CHRNA9: variants seen among roughly 807,000 people sequenced by gnomAD.
The protein encoded by CHRNA9 is neuronal acetylcholine receptor subunit alpha-9.
CHRNA9 carries 24 observed loss-of-function variants against 36.8 expected under a neutral mutation model. The ratio of observed to expected loss-of-function variants is 0.65; its 90% CI spans 0.47 to 0.92. CHRNA9 has a LOEUF of 0.92. CHRNA9 is among the 40% of genes least tolerant of loss of function. The pLI, the probability that CHRNA9 is intolerant of heterozygous loss-of-function variation, is 0.00. For missense variants in CHRNA9, 610 were observed against 601.2 expected (o/e 1.01, Z -0.15); for synonymous variants, 231 against 231.8 (o/e 1.00, Z 0.03).
At chr4:40,340,155 G>A (rs1367614787) in intron 3 of CHRNA9, among the ~76,000 whole-genome samples, 7 of 152,160 alleles carry the variant, frequency 4.6e-5, no homozygotes, top group Admixed American at 4.6e-4. Flanking sequence ...ATGTACTCAT[G>A]AGTTCACACA....
At chr4:40,336,186 CT>C (rs1337702299) in intron 2 of CHRNA9, among the ~76,000 whole-genome samples, 2 of 152,134 alleles carry the variant, frequency 1.3e-5, no homozygotes, top group Non-Finnish European at 2.9e-5. Flanking sequence ...CTGTAACAGT[CT>C]TAGATAATCT....
At chr4:40,350,349 A>G (rs1577549609) in intron 4 of CHRNA9, among the ~76,000 whole-genome samples, 1 of 151,910 alleles carries the variant, frequency 6.6e-6, no homozygotes, top group Admixed American at 6.6e-5. Context: ...TGAGGGTACC[A>G]CCCCTGCCTC....
At position 40,354,055 on chromosome 4, in the gene CHRNA9, C is replaced by T. The variant is rs1560319479; in HGVS notation, c.975C>T (p.Phe325=). 5.0e-6 allele frequency: 8 copies of T among 1,614,240 alleles called. No homozygotes were observed. Among genetic ancestry groups the T allele is most frequent in the African/African-American group, 1.3e-5 (1 of 75,074 alleles). Residue 325 remains phenylalanine, a synonymous_variant, in exon 5 of 5, where the codon TTC becomes TTT. Transcript: ENST00000310169. The part of the protein sequence containing the change: ...ALTIMVMNIH[F]CGAEARPVPH... ...CCATCATGGTGATGAATATCCACTT[C>T]TGTGGGGCCGAGGCCCGGCCGGTGC...
At chr4:40,338,831 G>A (rs1712402074) in intron 3 of CHRNA9, among the ~76,000 whole-genome samples, 3 of 148,354 alleles carry the variant, frequency 2.0e-5, no homozygotes, top group African/African-American at 7.8e-5. Context: ...CCCCGTGCTC[G>A]CTCTCTCTGT....
chr4:40,354,672 C>A lies in CHRNA9; in HGVS notation c.*152C>A. The A allele has an allele frequency of 1.4e-6, 1 of 692,330 alleles. No homozygotes were observed. The highest frequency in any genetic ancestry group is 2.6e-5 in the East Asian group (1 of 38,750). 42.9% of individuals were successfully genotyped at this position (692,330 alleles called of 1,614,324 possible). A position where few individuals can be genotyped will look rare whatever the true frequency, so the allele number is the denominator to read the frequency against. On this transcript the variant is annotated 3_prime_UTR_variant, in exon 5 of 5. Coordinates refer to ENST00000310169, the MANE Select transcript of CHRNA9 (RefSeq NM_017581.4). ...AGCTTCAAATGAATGTCGAAGCTAT[C>A]TGCTCTGTTAAATTAAGCAGAAGAA...
At chr4:40,345,201 T>G (rs1288121533) in intron 3 of CHRNA9, among the ~76,000 whole-genome samples, 2 of 152,114 alleles carry the variant, frequency 1.3e-5, no homozygotes, top group Non-Finnish European at 2.9e-5. Flanking sequence ...TTGAGCTGTG[T>G]TATGATCAAA....
intron 3 of CHRNA9, among the ~76,000 whole-genome samples, chr4:40,339,662 C>CAAAAAAA (rs756343215): frequency 5.3e-5 from 5 of 94,132 alleles, no homozygotes; most frequent in African/African-American, 1.4e-4. Flanking sequence ...GACTCTATCT[C>CAAAAAAA]AAAAAAAAAA....
chr4:40,348,398 CT>C (rs1029900959), intron 3 of CHRNA9, among the ~76,000 whole-genome samples: 1 of 152,128 alleles, frequency 6.6e-6, no homozygotes, highest in African/African-American at 2.4e-5. Context: ...GGGTGAACAA[CT>C]TTTTTTCTCT....
chr4:40,347,234 C>T (rs1015909952), intron 3 of CHRNA9, among the ~76,000 whole-genome samples: 1 of 152,130 alleles, frequency 6.6e-6, no homozygotes, highest in African/African-American at 2.4e-5. Flanking sequence ...ACACTGTGCC[C>T]AATATGTAGT....
At chr4:40,351,386 G>A (rs1367443424) in intron 4 of CHRNA9, among the ~76,000 whole-genome samples, 4 of 151,714 alleles carry the variant, frequency 2.6e-5, no homozygotes, top group South Asian at 2.1e-4. Context: ...ATGTTGGCTA[G>A]GCTGGTCTTG....
intron 3 of CHRNA9, among the ~76,000 whole-genome samples, chr4:40,346,780 A>T: frequency 6.6e-6 from 1 of 152,142 alleles, no homozygotes; most frequent in Middle Eastern, 3.4e-3. Context: ...TCTTTAAAAA[A>T]TATATATAGA....
chr4:40,339,449 G>A (rs936395091), intron 3 of CHRNA9, among the ~76,000 whole-genome samples: 4 of 151,182 alleles, frequency 2.6e-5, no homozygotes, highest in East Asian at 1.9e-4. Context: ...TTGGGAGGCC[G>A]AGGGGGGCGG....
In CHRNA9 at chr4:40,354,171, G is replaced by C; in HGVS notation, c.1091G>C (p.Ser364Thr). Residue 364 changes from serine (S) to threonine (T), a missense_variant, in exon 5 of 5, where the codon AGT (serine) becomes ACT (threonine). Transcript: ENST00000310169. ...GAAAGCTGCCTCAGCCCGCACCACA[G>C]TAGAGAGCGGGACCACCTCACGAAA... ...VGESCLSPHH[S>T]RERDHLTKVY... is the part of the protein sequence containing the mutation. 1 of 1,614,194 alleles carries C rather than the reference G, an allele frequency of 6.2e-7. No individual in the cohort carries two copies. The highest frequency in any genetic ancestry group is 8.5e-7 in the Non-Finnish European group (1 of 1,180,006).
intron 3 of CHRNA9, among the ~76,000 whole-genome samples, chr4:40,346,334 C>T (rs1712636774): frequency 6.6e-6 from 1 of 152,224 alleles, no homozygotes; most frequent in Non-Finnish European, 1.5e-5. Context: ...CTCCTCACCT[C>T]TTCATGTCCA....
At chr4:40,339,746 T>C (rs1289138605) in intron 3 of CHRNA9, among the ~76,000 whole-genome samples, 1 of 150,382 alleles carries the variant, frequency 6.6e-6, no homozygotes, top group Non-Finnish European at 1.5e-5. Flanking sequence ...CACTACAGCC[T>C]CAACTTCCCG....
intron 4 of CHRNA9, chr4:40,349,738 G>A: frequency 4.0e-6 from 1 of 247,254 alleles, no homozygotes; most frequent in Non-Finnish European, 7.8e-6. Flanking sequence ...AAAACCTCAG[G>A]GCCCACCGGA....
chr4:40,339,722 G>A (rs1047688865), intron 3 of CHRNA9, among the ~76,000 whole-genome samples: 1 of 151,490 alleles, frequency 6.6e-6, no homozygotes, highest in Non-Finnish European at 1.5e-5. Flanking sequence ...GAGTGCAGTG[G>A]TGTGATCATG....
intron 3 of CHRNA9, among the ~76,000 whole-genome samples, chr4:40,342,890 A>G (rs1204869114): frequency 6.6e-6 from 1 of 152,100 alleles, no homozygotes; most frequent in Non-Finnish European, 1.5e-5. Context: ...ATGGGAGGAG[A>G]GGACTCACAC....
intron 4 of CHRNA9, among the ~76,000 whole-genome samples, chr4:40,351,588 A>G (rs1337455837): frequency 1.3e-5 from 2 of 152,326 alleles, no homozygotes; most frequent in African/African-American, 4.8e-5. Context: ...TTATAGAAAT[A>G]TGTTTAAGTT....
Sources: allele counts gnomAD v4.1 joint callset (sites outside exome capture counted in the v4.1 genomes callset), GRCh38; gene constraint gnomAD v4.1.1; transcripts MANE v1.5; gene names NCBI Gene and HGNC (gene_info 2026-07-23, HGNC 2026-07-21).